The following TMEM14B variants were observed in gnomAD, a reference collection of about 807,000 sequenced individuals.
The protein encoded by TMEM14B is transmembrane protein 14B.
Under a neutral mutation model 14.8 loss-of-function variants are expected in TMEM14B, and 9 were observed. The observed-to-expected ratio is 0.61, with a 90% CI of 0.37 to 1.06. The LOEUF (loss-of-function observed/expected upper bound fraction) is 1.06, where lower values mean the gene tolerates loss of function less well. Ranked by LOEUF, TMEM14B falls within the 50% of genes least tolerant of loss-of-function variation. TMEM14B has a pLI of 0.01. For synonymous variants in TMEM14B, 40 were observed against 51.3 expected (o/e 0.78, Z 0.94); for missense variants, 128 against 143.6 (o/e 0.89, Z 0.56).
intron 1 of TMEM14B, among the ~76,000 whole-genome samples, chr6:10,748,859 A>AGTG (rs1771438670): frequency 6.6e-6 from 1 of 152,224 alleles, no homozygotes; most frequent in Admixed American, 6.5e-5. Context: ...GATTAAGGGC[A>AGTG]CGGGAGTATT....
chr6:10,751,298 C>T, intron 4 of TMEM14B, 64 bp downstream of exon 4: 2 of 1,582,096 alleles, frequency 1.3e-6, no homozygotes, highest in Non-Finnish European at 1.7e-6. Flanking sequence ...TCCAAAAGAC[C>T]CTGGTTTGGT....
chr6:10,756,365 C>A, intron 5 of TMEM14B, 102 bp from the exon 6 acceptor site: 1 of 1,368,874 alleles, frequency 7.3e-7, no homozygotes, highest in Non-Finnish European at 1.0e-6. Context: ...GTACCTCCTC[C>A]CCCACACAGT....
chr6:10,751,286 T>C (rs1309485477), intron 4 of TMEM14B, 52 bp downstream of exon 4: 1 of 1,594,064 alleles, frequency 6.3e-7, no homozygotes, highest in Non-Finnish European at 8.6e-7. Flanking sequence ...GGAATATTCT[T>C]TTCCAAAAGA....
intron 1 of TMEM14B, among the ~76,000 whole-genome samples, chr6:10,748,321 T>C (rs1771408970): frequency 2.0e-5 from 3 of 152,206 alleles, no homozygotes; most frequent in Middle Eastern, 3.4e-3. Flanking sequence ...ATATGTCTTA[T>C]TGCAGCCTCT....
Position 10,756,519 on chromosome 6 carries a change from C to T in TMEM14B, c.*1C>T, listed in dbSNP as rs1771806459. 2.5e-6 allele frequency: 4 copies of T among 1,613,048 alleles called. No individual in the cohort carries two copies. The highest frequency in any genetic ancestry group is 2.5e-6 in the Non-Finnish European group (3 of 1,179,634). ...TCGTATGTTGATGACATCTGATTAGCAGAAGTCATGTTCCAGCTTGGACTC... is the reference window on the plus strand; with the variant it reads ...TCGTATGTTGATGACATCTGATTAGTAGAAGTCATGTTCCAGCTTGGACTC... On this transcript the variant is annotated 3_prime_UTR_variant, in exon 6 of 6. Coordinates refer to ENST00000379542, the MANE Select transcript of TMEM14B (RefSeq NM_030969.5).
chr6:10,754,967 G>A (rs1000568918), intron 4 of TMEM14B, among the ~76,000 whole-genome samples, 175 bp from the exon 5 acceptor site: 6 of 152,236 alleles, frequency 3.9e-5, no homozygotes, highest in African/African-American at 1.4e-4. Flanking sequence ...TATTTGGCCA[G>A]TATTGGTATT....
downstream of TMEM14B, chr6:10,759,482 G>C (rs1242184195): frequency 6.6e-6 from 1 of 152,138 alleles, no homozygotes; most frequent in African/African-American, 2.4e-5. Flanking sequence ...ATTCCTAAAT[G>C]CTGAGTCAGA....
Position 10,749,184 on chromosome 6 carries a change from CCGGCT to C in TMEM14B, c.-44-17_-44-13del, listed in dbSNP as rs1387517656. On this transcript the variant is annotated splice_polypyrimidine_tract_variant and intron_variant, in intron 1 of 5. Coordinates refer to ENST00000379542, the MANE Select transcript of TMEM14B (RefSeq NM_030969.5). ...AGCTGTGCTTTTAACCACTGCTGATCCGGCTTGTTTTCCCCAGATGCAGGCCTGGG... is the reference window on the plus strand; with the variant it reads ...AGCTGTGCTTTTAACCACTGCTGATCTGTTTTCCCCAGATGCAGGCCTGGG... 6.3e-7 allele frequency: 1 copy of C among 1,583,604 alleles called. No homozygotes were observed. Among genetic ancestry groups the C allele is most frequent in the Non-Finnish European group, 8.7e-7 (1 of 1,153,290 alleles).
intron 4 of TMEM14B, among the ~76,000 whole-genome samples, chr6:10,753,679 A>G (rs1337016139): frequency 6.6e-6 from 1 of 151,774 alleles, no homozygotes; most frequent in East Asian, 1.9e-4. Flanking sequence ...ATCTGCCCGG[A>G]CCTAACCTCA....
At chr6:10,748,334 C>T (rs1057474089) in intron 1 of TMEM14B, among the ~76,000 whole-genome samples, 2 of 152,086 alleles carry the variant, frequency 1.3e-5, no homozygotes, top group Non-Finnish European at 2.9e-5. Flanking sequence ...CAGCCTCTGC[C>T]TCCTGGGCTC....
chr6:10,750,887 C>T (rs1581611633), intron 3 of TMEM14B, among the ~76,000 whole-genome samples: 1 of 151,938 alleles, frequency 6.6e-6, no homozygotes, highest in East Asian at 1.9e-4. Context: ...GGAAGATGGC[C>T]TTCTTTCCTT....
chr6:10,753,306 T>C (rs1243341238), intron 4 of TMEM14B, among the ~76,000 whole-genome samples: 1 of 152,118 alleles, frequency 6.6e-6, no homozygotes, highest in East Asian at 1.9e-4. Flanking sequence ...TCTGTTTCTG[T>C]CCCTGTGTTT....
intron 4 of TMEM14B, among the ~76,000 whole-genome samples, chr6:10,753,821 A>G (rs149918278): frequency 1.3e-5 from 2 of 150,880 alleles, no homozygotes; most frequent in African/African-American, 5.0e-5. Context: ...CCTTATCCTG[A>G]GTTGTCCTCT....
intron 3 of TMEM14B, 109 bp from the exon 4 acceptor site, chr6:10,751,022 CTG>C: frequency 7.8e-7 from 1 of 1,288,048 alleles, no homozygotes. Context: ...TGGCTGTGAG[CTG>C]TGTTGAGAGT....
intron 4 of TMEM14B, among the ~76,000 whole-genome samples, chr6:10,751,799 A>C (rs76031135): frequency 0.013 from 1,997 of 152,204 alleles, 64 homozygotes; most frequent in African/African-American, 0.045. Flanking sequence ...GGGAAGTAAG[A>C]CATGAGCATA....
rs1771415299 is a variant in TMEM14B at position 10,748,449 on chromosome 6, C to T, written c.-45+568C>T. Among the ~76,000 whole-genome samples, 3 of 152,186 alleles carry T rather than the reference C, an allele frequency of 2.0e-5. No individual in the cohort carries two copies. The East Asian group carries it at 5.8e-4, about 29-fold the overall frequency. ...GTGTGTTTTAATAGAATATGGGTTT[C>T]ACCATGTTGACCAAGCTGTTCTCGA... On this transcript the variant is annotated intron_variant, in intron 1 of 5. Transcript: ENST00000379542.
chr6:10,751,154 C>T lies in TMEM14B; in HGVS notation c.122C>T (p.Ala41Val), dbSNP rs1302661982. 1.9e-6 allele frequency: 3 copies of T among 1,613,922 alleles called. No individual in the cohort carries two copies. The highest frequency in any genetic ancestry group is 1.7e-5 in the Admixed American group (1 of 60,010). ...VKTGSVPSLAAGLLFGSLAGL... is the reference protein window; with the variant it reads ...VKTGSVPSLAVGLLFGSLAGL... ...CTAGGCAGCGTGCCGTCCCTGGCTG[C>T]AGGGCTGCTCTTCGGCAGTCTAGCC... The change falls in exon 4 of 6, where the codon GCA becomes GTA. Residue 41 changes from alanine to valine, a missense_variant. Ala to Val is a moderately conservative substitution (Grantham distance 64). Transcript: ENST00000379542.
rs2127497153 is a variant in TMEM14B at position 10,756,723 on chromosome 6, T to G, written c.*205T>G. On this transcript the variant is annotated 3_prime_UTR_variant, in exon 6 of 6. Coordinates refer to ENST00000379542, the MANE Select transcript of TMEM14B (RefSeq NM_030969.5). ...AGGTGGTGAGCATGTAACATGAGCT[T>G]ATTGAGACCATCATAGAGATCGATT... is the stretch of plus-strand genomic sequence containing the variant. 1 of 1,302,806 alleles carries G rather than the reference T, an allele frequency of 7.7e-7. No individual in the cohort carries two copies. The highest frequency in any genetic ancestry group is 1.8e-5 in the South Asian group (1 of 54,510). 80.7% of individuals were successfully genotyped at this position (1,302,806 alleles called of 1,614,324 possible). A position where few individuals can be genotyped will look rare whatever the true frequency, so the allele number is the denominator to read the frequency against.
chr6:10,756,028 T>C (rs1220542903), intron 5 of TMEM14B, among the ~76,000 whole-genome samples: 1 of 152,082 alleles, frequency 6.6e-6, no homozygotes, highest in Non-Finnish European at 1.5e-5. Flanking sequence ...TAAAATCCTG[T>C]TTTCAAGAAA....
Sources: allele counts gnomAD v4.1 joint callset (sites outside exome capture counted in the v4.1 genomes callset), GRCh38; gene constraint gnomAD v4.1.1; transcripts MANE v1.5; gene names NCBI Gene and HGNC (gene_info 2026-07-23, HGNC 2026-07-21).